Variants in ZYG11B observed in about 807,000 individuals in gnomAD.
The protein encoded by ZYG11B is protein zyg-11 homolog B.
In ZYG11B, 36 loss-of-function variants were observed where a neutral mutation model predicts 82.4. That is an observed-to-expected ratio of 0.44 (90% confidence interval 0.33 to 0.58). The LOEUF is 0.58. ZYG11B is among the 20% of genes least tolerant of loss of function. ZYG11B has a pLI of 0.02. For synonymous variants in ZYG11B, 303 were observed against 312.8 expected, an observed-to-expected ratio of 0.97 and a Z score of 0.33; for missense variants, 552 against 895.6, an observed-to-expected ratio of 0.62 and a Z score of 4.90.
chr1:52,784,594 C>A (rs1644897208), intron 4 of ZYG11B, among the ~76,000 whole-genome samples: 1 of 152,128 alleles, frequency 6.6e-6, no homozygotes, highest in South Asian at 2.1e-4. Flanking sequence ...ATATAACAGG[C>A]ACCATAAGTA....
chr1:52,775,403 G>A (rs1189804958), intron 3 of ZYG11B, among the ~76,000 whole-genome samples: 3 of 151,506 alleles, frequency 2.0e-5, no homozygotes, highest in Non-Finnish European at 4.4e-5. Flanking sequence ...ACTAGCCTGA[G>A]CAACATAGTG....
At chr1:52,796,419 C>G in intron 7 of ZYG11B, 28 bp downstream of exon 7, 2 of 1,545,316 alleles carry the variant, frequency 1.3e-6, no homozygotes, top group Non-Finnish European at 8.9e-7. Context: ...GAATAATTTT[C>G]TGTAGACAGC....
intron 3 of ZYG11B, among the ~76,000 whole-genome samples, chr1:52,773,623 A>ATT (rs1644775920): frequency 2.1e-4 from 6 of 28,786 alleles, no homozygotes; most frequent in Admixed American, 6.2e-4. Flanking sequence ...ATATATATAT[A>ATT]TATATTTTTT....
intron 1 of ZYG11B, among the ~76,000 whole-genome samples, chr1:52,737,571 A>T (rs983307396): frequency 2.0e-5 from 3 of 152,094 alleles, no homozygotes; most frequent in African/African-American, 7.2e-5. Flanking sequence ...GTTCAAGACC[A>T]CCTGGCTAAC....
At chr1:52,772,610 C>T in intron 3 of ZYG11B, 1 of 1,232,376 alleles carries the variant, frequency 8.1e-7, no homozygotes, top group South Asian at 1.2e-5. Flanking sequence ...GTAAAGCCGA[C>T]TGGGACAGGC....
chr1:52,755,974 A>G (rs1644572791), intron 1 of ZYG11B, among the ~76,000 whole-genome samples: 1 of 147,838 alleles, frequency 6.8e-6, no homozygotes, highest in African/African-American at 2.5e-5. Context: ...TAATTTTTGT[A>G]TTTTTAGTGG....
intron 2 of ZYG11B, among the ~76,000 whole-genome samples, chr1:52,766,286 A>C (rs1015072173): frequency 6.6e-6 from 1 of 151,642 alleles, no homozygotes; most frequent in Admixed American, 6.6e-5. Context: ...ATGCCCAGCT[A>C]ATTTTTGTAT....
chr1:52,757,423 C>T (rs1644588412), intron 2 of ZYG11B, among the ~76,000 whole-genome samples: 1 of 152,106 alleles, frequency 6.6e-6, no homozygotes, highest in Admixed American at 6.6e-5. Context: ...TGCCTGTAAT[C>T]CCAGCACTTT....
chr1:52,736,275 TTTTATTTA>T (rs58123684), intron 1 of ZYG11B, among the ~76,000 whole-genome samples: 6 of 149,428 alleles, frequency 4.0e-5, no homozygotes, highest in African/African-American at 9.9e-5. Context: ...AATGAAAGTG[TTTTATTTA>T]TTTATTTATT....
At chr1:52,767,296 A>T (rs1417833146) in intron 2 of ZYG11B, among the ~76,000 whole-genome samples, 4 of 10,520 alleles carry the variant, frequency 3.8e-4, no homozygotes, top group Non-Finnish European at 6.0e-4. Flanking sequence ...TTATGTTGTT[A>T]TTTTATTTTA....
chr1:52,817,815 ATTTTTTTTTTTTTTTTTTTTTTTT>A (rs1176871667), intron 13 of ZYG11B, among the ~76,000 whole-genome samples: 334 of 27,480 alleles, frequency 0.012, 1 homozygote, highest in East Asian at 0.027. Flanking sequence ...ATATATATAT[ATTTTTTTTTTTTTTTTTTTTTTTT>A]TTTTTTTTTT....
chr1:52,802,595 C>T (rs1645085341), intron 10 of ZYG11B, among the ~76,000 whole-genome samples: 1 of 151,666 alleles, frequency 6.6e-6, no homozygotes, highest in African/African-American at 2.4e-5. Context: ...AAGCAATCCT[C>T]CTACCTCGGC....
chr1:52,761,249 G>A (rs1027854831), intron 2 of ZYG11B, among the ~76,000 whole-genome samples: 2 of 151,788 alleles, frequency 1.3e-5, no homozygotes, highest in Admixed American at 1.3e-4. Context: ...ATTGTTAACT[G>A]TAGTCATCAT....
intron 1 of ZYG11B, among the ~76,000 whole-genome samples, chr1:52,737,670 A>C: frequency 6.6e-6 from 1 of 152,180 alleles, no homozygotes; most frequent in East Asian, 1.9e-4. Context: ...AGGCTGAGGC[A>C]AGAGAATTGG....
intron 10 of ZYG11B, among the ~76,000 whole-genome samples, chr1:52,808,313 G>A (rs765191727): frequency 2.6e-5 from 4 of 151,968 alleles, no homozygotes; most frequent in East Asian, 1.9e-4. Context: ...GCAGTGAGCC[G>A]AGATCACGCC....
chr1:52,734,832 G>C (rs6588438), intron 1 of ZYG11B, among the ~76,000 whole-genome samples: 1 of 151,472 alleles, frequency 6.6e-6, no homozygotes, highest in African/African-American at 2.4e-5. Context: ...GGGTTCAAAC[G>C]ATTTTCCTGC....
intron 13 of ZYG11B, among the ~76,000 whole-genome samples, chr1:52,819,587 A>G (rs1645264691): frequency 6.6e-6 from 1 of 152,014 alleles, no homozygotes; most frequent in Non-Finnish European, 1.5e-5. Flanking sequence ...GGAGATCGAG[A>G]CCATCCTGGC....
At chr1:52,817,238 T>C (rs1225770910) in intron 13 of ZYG11B, among the ~76,000 whole-genome samples, 2 of 152,180 alleles carry the variant, frequency 1.3e-5, no homozygotes, top group African/African-American at 4.8e-5. Context: ...TAAAAGGTCT[T>C]AAGTAGATCC....
chr1:52,750,333 C>T (rs761368367), intron 1 of ZYG11B, among the ~76,000 whole-genome samples: 3 of 150,730 alleles, frequency 2.0e-5, no homozygotes, highest in South Asian at 2.1e-4. Context: ...AGTGCAGTGG[C>T]GCAATCTCGG....
Sources: gnomAD v4.1 joint callset for allele counts (sites outside exome capture counted in the v4.1 genomes callset) on GRCh38, gnomAD v4.1.1 for gene constraint, MANE v1.5 for transcripts, NCBI Gene and HGNC (gene_info 2026-07-23, HGNC 2026-07-21) for gene names.